Variants in BCAR3 observed in about 807,000 individuals in gnomAD.
BCAR3 encodes breast cancer anti-estrogen resistance protein 3.
A neutral mutation model predicts 80.1 loss-of-function variants in BCAR3; 37 were observed. The ratio of observed to expected loss-of-function variants is 0.46; its 90% CI spans 0.36 to 0.61. The LOEUF is 0.61. BCAR3 is among the 20% of genes least tolerant of loss of function. BCAR3 has a pLI of 0.00. For synonymous variants in BCAR3, 389 were observed against 418.9 expected (o/e 0.93, Z 0.87); for missense variants, 978 against 1,068.2 (o/e 0.92, Z 1.18).
At chr1:93,718,634 G>A (rs1224967736) in intron 2 of BCAR3, among the ~76,000 whole-genome samples, 1 of 151,222 alleles carries the variant, frequency 6.6e-6, no homozygotes, top group Non-Finnish European at 1.5e-5. Context: ...AGGATGCTTG[G>A]CCATAAAGTA....
At chr1:93,834,805 C>T (rs1411278209) in intron 2 of BCAR3, among the ~76,000 whole-genome samples, 1 of 152,332 alleles carries the variant, frequency 6.6e-6, no homozygotes, top group Non-Finnish European at 1.5e-5. Context: ...TTGAGTCTCC[C>T]ACAATTACCA....
At chr1:93,729,029 A>T (rs537660747) in intron 2 of BCAR3, among the ~76,000 whole-genome samples, 1 of 152,260 alleles carries the variant, frequency 6.6e-6, no homozygotes, top group African/African-American at 2.4e-5. Flanking sequence ...TCCTTTCTGT[A>T]TCACTAGGAC....
chr1:93,608,960 C>T (rs1012020403), intron 3 of BCAR3, among the ~76,000 whole-genome samples: 5 of 152,196 alleles, frequency 3.3e-5, no homozygotes, highest in African/African-American at 1.2e-4. Context: ...CTCAGGCCAT[C>T]GTCAATGCTG....
At chr1:93,812,221 T>C (rs1316434377) in intron 2 of BCAR3, among the ~76,000 whole-genome samples, 1 of 152,186 alleles carries the variant, frequency 6.6e-6, no homozygotes. Flanking sequence ...CCCACTTAGC[T>C]AGAATGCTTA....
At chr1:93,651,685 G>A (rs1369212538) in intron 2 of BCAR3, among the ~76,000 whole-genome samples, 1 of 152,112 alleles carries the variant, frequency 6.6e-6, no homozygotes, top group East Asian at 1.9e-4. Context: ...AGGAGTAATG[G>A]TTAAAGAAGT....
At chr1:93,673,159 A>T (rs1323025188) in intron 2 of BCAR3, among the ~76,000 whole-genome samples, 1 of 151,958 alleles carries the variant, frequency 6.6e-6, no homozygotes, top group Non-Finnish European at 1.5e-5. Flanking sequence ...CCAGCATATC[A>T]CTCCATTTCC....
chr1:93,662,166 A>C (rs1647690963), intron 2 of BCAR3, among the ~76,000 whole-genome samples: 1 of 152,204 alleles, frequency 6.6e-6, no homozygotes, highest in African/African-American at 2.4e-5. Flanking sequence ...AAAACAATTC[A>C]CCAGGTATGA....
At chr1:93,734,107 T>C (rs1650896713) in intron 2 of BCAR3, among the ~76,000 whole-genome samples, 1 of 152,220 alleles carries the variant, frequency 6.6e-6, no homozygotes, top group African/African-American at 2.4e-5. Context: ...CGTAATTACA[T>C]GGCCTCTTCA....
In BCAR3 at chr1:93,578,205, G is replaced by T. The variant is rs1673535012; in HGVS notation, c.1687-2076C>A. On this transcript the variant is annotated intron_variant, in intron 7 of 11. Transcript: ENST00000260502. ...CTTGGAGGCTGCTGCACGGACCCAG[G>T]AGAGCCCTGATGGGGTCCCGGCCCA... Among the ~76,000 whole-genome samples, 3 of 152,244 alleles carry T rather than the reference G, an allele frequency of 2.0e-5. No homozygotes were observed. In the South Asian group the frequency reaches 6.2e-4, roughly 32 times the overall value.
chr1:93,831,841 C>T lies in BCAR3; in HGVS notation c.-63+13726G>A, dbSNP rs549848858. 2.4e-4 allele frequency among the ~76,000 whole-genome samples: 36 copies of T among 152,290 alleles called. 1 individual carries two copies. The highest frequency in any genetic ancestry group is 7.2e-4 in the African/African-American group (30 of 41,546). ...CCGCAACTAGCCCTCCCCGACCTGC[C>T]CAACAATTTCCTCTTAAAGAGGTGG... On this transcript the variant is annotated intron_variant, in intron 2 of 13. Transcript: ENST00000370244.
intron 2 of BCAR3, among the ~76,000 whole-genome samples, chr1:93,788,824 T>C (rs1653039494): frequency 6.6e-6 from 1 of 152,146 alleles, no homozygotes; most frequent in South Asian, 2.1e-4. Flanking sequence ...CACTGCTCAG[T>C]CCCAACTACC....
chr1:93,722,712 C>T (rs1447209177), intron 2 of BCAR3, among the ~76,000 whole-genome samples: 4 of 152,102 alleles, frequency 2.6e-5, no homozygotes, highest in Admixed American at 6.5e-5. Flanking sequence ...GCTTGTGTTC[C>T]GGGCTGGGCT....
At chr1:93,631,585 A>G (rs377301655) in intron 3 of BCAR3, among the ~76,000 whole-genome samples, 5 of 152,174 alleles carry the variant, frequency 3.3e-5, no homozygotes, top group East Asian at 3.9e-4. Context: ...TCGAAGTCCA[A>G]TATGGAGCTG....
At chr1:93,845,309 C>A (rs1021990540) in intron 2 of BCAR3, among the ~76,000 whole-genome samples, 2 of 151,848 alleles carry the variant, frequency 1.3e-5, no homozygotes, top group African/African-American at 4.8e-5. Flanking sequence ...GAGATGCCAC[C>A]AGTGCCTGGC....
intron 2 of BCAR3, among the ~76,000 whole-genome samples, chr1:93,837,384 A>G (rs560446052): frequency 4.6e-4 from 70 of 152,286 alleles, no homozygotes; most frequent in African/African-American, 1.6e-3. Context: ...TCACTCACTT[A>G]GTTCAATGTA....
chr1:93,636,543 G>C (rs1329187531), intron 3 of BCAR3, among the ~76,000 whole-genome samples: 1 of 150,890 alleles, frequency 6.6e-6, no homozygotes, highest in Non-Finnish European at 1.5e-5. Context: ...GCCTATTCAT[G>C]GCTAATTTGA....
rs539904528 is a variant in BCAR3, at chr1:93,652,745, G to A, written c.318-10402C>T. On this transcript the variant is annotated intron_variant, in intron 2 of 11. Transcript: ENST00000260502. ...CAACGGAGGGTCTGGCAGGCACCTC[G>A]GCCCCTCCTGGCAGGCACGCTGCCC... Among the ~76,000 whole-genome samples the A allele has an allele frequency of 8.9e-4, 135 of 152,134 alleles. 4 individuals carry two copies. The South Asian group carries it at 0.027, about 30-fold the overall frequency.
intron 2 of BCAR3, among the ~76,000 whole-genome samples, chr1:93,653,475 T>C (rs1647214171): frequency 6.6e-6 from 1 of 152,222 alleles, no homozygotes; most frequent in Admixed American, 6.5e-5. Context: ...CAGGGTGAGC[T>C]TTCCAACAGT....
chr1:93,828,555 A>T (rs1654453863), intron 2 of BCAR3, among the ~76,000 whole-genome samples: 1 of 152,158 alleles, frequency 6.6e-6, no homozygotes, highest in Non-Finnish European at 1.5e-5. Flanking sequence ...ATCTGAACAG[A>T]CAGGCCTTGC....
Sources: allele counts gnomAD v4.1 joint callset (sites outside exome capture counted in the v4.1 genomes callset), GRCh38; gene constraint gnomAD v4.1.1; transcripts MANE v1.5; gene names NCBI Gene and HGNC (gene_info 2026-07-23, HGNC 2026-07-21).